Variants in CNEP1R1 observed in about 807,000 individuals in gnomAD.
CNEP1R1 encodes nuclear envelope phosphatase-regulatory subunit 1.
Under a neutral mutation model 22.7 loss-of-function variants are expected in CNEP1R1, and 10 were observed. The ratio of observed to expected loss-of-function variants is 0.44; its 90% CI spans 0.27 to 0.75. The LOEUF is 0.75. Ranked by LOEUF, CNEP1R1 falls within the 30% of genes least tolerant of loss-of-function variation. The pLI, the probability that CNEP1R1 is intolerant of heterozygous loss-of-function variation, is 0.17. For missense variants in CNEP1R1, 73 were observed against 151.5 expected (o/e 0.48, Z 2.72); for synonymous variants, 53 against 50.1 (o/e 1.06, Z -0.25).
intron 2 of CNEP1R1, among the ~76,000 whole-genome samples, chr16:50,028,114 C>T (rs137974368): frequency 1.3e-5 from 2 of 152,122 alleles, no homozygotes; most frequent in African/African-American, 2.4e-5. Context: ...CCCGCCACCA[C>T]GGCAGCTAAT....
intron 1 of CNEP1R1, 111 bp from the exon 2 acceptor site, chr16:50,026,285 C>T (rs2036182345): frequency 1.4e-6 from 1 of 716,826 alleles, no homozygotes; most frequent in African/African-American, 1.8e-5. Context: ...TGTGTAAGAC[C>T]TGAAGCAGTT....
Position 50,033,504 on chromosome 16 carries a change from A to C in CNEP1R1, c.279A>C (p.Ser93=), listed in dbSNP as rs141333885. The C allele has an allele frequency of 1.4e-6, 2 of 1,464,410 alleles. No individual in the cohort carries two copies. The highest frequency in any genetic ancestry group is 3.4e-5 in the Admixed American group (2 of 58,702). 90.7% of individuals were successfully genotyped at this position (1,464,410 alleles called of 1,614,324 possible). A position where few individuals can be genotyped will look rare whatever the true frequency, so the allele number is the denominator to read the frequency against. ...TACACAAGAGAGTAGTTGCACCATC[A>C]ATGTATCCTTTACCAAGGATTAAAT... is the stretch of plus-strand genomic sequence containing the variant. ...AGIHKRVVAP[S]IIAARCRTVL... Residue 93 remains serine, a splice_region_variant and synonymous_variant, in exon 4 of 6, where the codon TCA becomes TCC. Coordinates refer to ENST00000427478, the MANE Select transcript of CNEP1R1 (RefSeq NM_001281789.2).
chr16:50,033,584 C>G, intron 4 of CNEP1R1, 78 bp downstream of exon 4: 3 of 774,122 alleles, frequency 3.9e-6, no homozygotes, highest in Non-Finnish European at 6.3e-6. Flanking sequence ...CTTACTCTTG[C>G]CGGGCGTGGT....
At chr16:50,025,790 C>T (rs1473808362) in intron 1 of CNEP1R1, 12 of 1,126,444 alleles carry the variant, frequency 1.1e-5, no homozygotes, top group Admixed American at 7.2e-5. Context: ...GCTTAGACGC[C>T]CCTGTCTTCT....
At chr16:50,033,636 G>A (rs923427792) in intron 4 of CNEP1R1, 130 bp downstream of exon 4, 3 of 435,924 alleles carry the variant, frequency 6.9e-6, no homozygotes, top group Non-Finnish European at 8.3e-6. Flanking sequence ...GGCTGAGGTG[G>A]GTGGATTTCC....
At chr16:50,029,843 A>G (rs762165816) in intron 3 of CNEP1R1, 45 bp downstream of exon 3, 1 of 1,131,034 alleles carries the variant, frequency 8.8e-7, no homozygotes. Flanking sequence ...AAATGAGATA[A>G]TGGATATTGT....
At position 50,035,401 on chromosome 16, in the gene CNEP1R1, C is replaced by G. The variant is rs2041918; in HGVS notation, c.337-16C>G. ...GAACTGTGTATTGAAAAAATTCTGT[C>G]TTTTCATTTTTGCAGACAGGAAAAC... is the stretch of plus-strand genomic sequence containing the variant. On this transcript the variant is annotated splice_polypyrimidine_tract_variant and intron_variant, in intron 5 of 5. Coordinates refer to ENST00000427478, the MANE Select transcript of CNEP1R1 (RefSeq NM_001281789.2). 1,024,262 of 1,491,836 alleles carry G rather than the reference C, an allele frequency of 0.69. 356,314 individuals carry two copies. The highest frequency in any genetic ancestry group is 0.72 in the Admixed American group (37,906 of 52,434). 92.4% of individuals were successfully genotyped at this position (1,491,836 alleles called of 1,614,324 possible).
chr16:50,034,083 T>C lies in CNEP1R1; in HGVS notation c.282-19T>C, dbSNP rs1260936808. On this transcript the variant is annotated intron_variant, in intron 4 of 5. Coordinates refer to ENST00000427478, the MANE Select transcript of CNEP1R1 (RefSeq NM_001281789.2). ...ATACTCTTGAAATGAGAAATTTTCC[T>C]TTGACCACATGTATTCAGTATAGCT... is the stretch of plus-strand genomic sequence containing the variant. 1.9e-6 allele frequency: 3 copies of C among 1,579,814 alleles called. No homozygotes were observed. The highest frequency in any genetic ancestry group is 8.6e-7 in the Non-Finnish European group (1 of 1,159,978).
At position 50,026,227 on chromosome 16, in the gene CNEP1R1, G is replaced by A. The variant is rs1040842060; in HGVS notation, c.26-169G>A. 3.0e-5 allele frequency: 15 copies of A among 494,936 alleles called. No individual in the cohort carries two copies. The South Asian group carries it at 6.1e-4, about 20-fold the overall frequency. 30.7% of individuals were successfully genotyped at this position (494,936 alleles called of 1,614,324 possible). ...TAATTTTTTGTCAAGTGCTTAAAAA[G>A]CTGTCATAGTAAATGAAATAAACAG... On this transcript the variant is annotated intron_variant, in intron 1 of 5. Transcript: ENST00000427478.
At chr16:50,034,483 C>A in intron 5 of CNEP1R1, 1 of 307,516 alleles carries the variant, frequency 3.3e-6, no homozygotes, top group Non-Finnish European at 6.2e-6. Context: ...AATGGCTCAG[C>A]GGATATTGGT....
chr16:50,033,265 T>A (rs186380007), intron 3 of CNEP1R1, 132 bp from the exon 4 acceptor site: 2 of 447,926 alleles, frequency 4.5e-6, no homozygotes, highest in East Asian at 3.5e-5. Context: ...GAACTAAGAT[T>A]ATTAGAAGTC....
chr16:50,025,302 A>G lies in CNEP1R1; in HGVS notation c.-14A>G. 7.0e-7 allele frequency: 1 copy of G among 1,428,756 alleles called. No individual in the cohort carries two copies. The highest frequency in any genetic ancestry group is 1.5e-5 in the South Asian group (1 of 67,394). 88.5% of individuals were successfully genotyped at this position (1,428,756 alleles called of 1,614,324 possible). On this transcript the variant is annotated 5_prime_UTR_variant, in exon 1 of 6. Coordinates refer to ENST00000427478, the MANE Select transcript of CNEP1R1 (RefSeq NM_001281789.2). The stretch of plus-strand genomic sequence containing the variant: ...CGGACAGGGCAGCGGCGGTGACCCG[A>G]GCTGCCGCCCGACATGAACTCGCTG...
chr16:50,033,620 T>C (rs2036250217), intron 4 of CNEP1R1, 114 bp downstream of exon 4: 1 of 486,750 alleles, frequency 2.1e-6, no homozygotes, highest in Non-Finnish European at 3.7e-6. Flanking sequence ...TCCCAGCACT[T>C]TGGGAGGCTG....
chr16:50,036,667 A>G lies in CNEP1R1; in HGVS notation c.*1209A>G, dbSNP rs2036282227. The G allele has an allele frequency of 6.6e-6, 1 of 152,608 alleles. No homozygotes were observed. Among genetic ancestry groups the G allele is most frequent in the African/African-American group, 2.4e-5 (1 of 41,456 alleles). 9.5% of individuals were successfully genotyped at this position (152,608 alleles called of 1,614,324 possible). On this transcript the variant is annotated 3_prime_UTR_variant, in exon 6 of 6. Transcript: ENST00000427478. Reference sequence around the variant, plus strand: ...CTAGAGTCTACAATTCTCACTGTTTAGAGAGTGTTAATGACATACTGTGTA... The same window carrying G: ...CTAGAGTCTACAATTCTCACTGTTTGGAGAGTGTTAATGACATACTGTGTA...
intron 1 of CNEP1R1, 81 bp downstream of exon 1, chr16:50,025,421 C>T: frequency 7.4e-7 from 1 of 1,352,784 alleles, no homozygotes. Flanking sequence ...TCGTGAAGAC[C>T]CCCGCCCCGG....
chr16:50,026,309 A>G (rs1324683927), intron 1 of CNEP1R1, 87 bp from the exon 2 acceptor site: 22 of 881,432 alleles, frequency 2.5e-5, no homozygotes, highest in Non-Finnish European at 3.7e-5. Context: ...AGTATCTCAC[A>G]TGTCGTCTTA....
chr16:50,033,309 TTATA>T, intron 3 of CNEP1R1, 84 bp from the exon 4 acceptor site: 1 of 538,754 alleles, frequency 1.9e-6, no homozygotes, highest in Non-Finnish European at 3.3e-6. Context: ...ATAAAAAATA[TTATA>T]TATATTTATG....
intron 2 of CNEP1R1, among the ~76,000 whole-genome samples, chr16:50,029,497 C>T (rs1338012457): frequency 1.3e-5 from 2 of 152,210 alleles, no homozygotes; most frequent in African/African-American, 2.4e-5. Context: ...ATCATAAGTT[C>T]TGACCAAATC....
chr16:50,028,897 T>C (rs2144274608), intron 2 of CNEP1R1, among the ~76,000 whole-genome samples: 1 of 152,316 alleles, frequency 6.6e-6, no homozygotes, highest in African/African-American at 2.4e-5. Context: ...TTACGTCTTC[T>C]AAAAGTACAT....
Sources: gnomAD v4.1 joint callset for allele counts (sites outside exome capture counted in the v4.1 genomes callset) on GRCh38, gnomAD v4.1.1 for gene constraint, MANE v1.5 for transcripts, NCBI Gene and HGNC (gene_info 2026-07-23, HGNC 2026-07-21) for gene names.